The following CCDC136 variants were observed in gnomAD, a reference collection of about 807,000 sequenced individuals.
CCDC136 encodes the protein coiled-coil domain-containing protein 136.
CCDC136 carries 100 observed loss-of-function variants against 141.2 expected under a neutral mutation model. That is an observed-to-expected ratio of 0.71 (90% CI 0.60 to 0.84). CCDC136 has a LOEUF of 0.84. Ranked by LOEUF, CCDC136 falls within the 40% of genes least tolerant of loss-of-function variation. CCDC136 has a pLI of 0.00. For missense variants in CCDC136, 1,206 were observed against 1,379.4 expected (o/e 0.87, Z 1.99); for synonymous variants, 474 against 531.9 (o/e 0.89, Z 1.50).
Position 128,805,562 on chromosome 7 carries a change from T to G in CCDC136, c.948+38T>G, listed in dbSNP as rs377337671. On this transcript the variant is annotated intron_variant, in intron 6 of 17. Coordinates refer to ENST00000297788, the MANE Select transcript of CCDC136 (RefSeq NM_022742.5). This position sits in a 1 kb window ranked among gnomAD's most constrained non-coding sequence, Gnocchi z 4.6. ...GGGTGGGGAAGGCAGGCACATTTCT[T>G]GTCTTTCTTTCACCTTCTCCCAGCC... The G allele has an allele frequency of 1.4e-4, 217 of 1,571,342 alleles. No homozygotes were observed. The highest frequency in any genetic ancestry group is 1.8e-4 in the Non-Finnish European group (209 of 1,157,294).
In CCDC136 at chr7:128,815,759, C is replaced by T; in HGVS notation, c.3191C>T (p.Ala1064Val). The T allele has an allele frequency of 6.4e-7, 1 of 1,568,706 alleles. No homozygotes were observed. The highest frequency in any genetic ancestry group is 8.6e-7 in the Non-Finnish European group (1 of 1,157,340). The change falls in exon 16 of 18, where the codon GCT becomes GTT. Residue 1064 changes from alanine (A) to valine (V), a missense_variant. Transcript: ENST00000297788. ...AKEQCGDELV[A>V]EPADPEEAKS... ...GAGCAGTGTGGGGATGAGCTAGTTG[C>T]TGAGCCAGCAGATCCTGAGGAAGCT...
At position 128,794,218 on chromosome 7, in the gene CCDC136, G is replaced by A; in HGVS notation, c.17-130G>A. 2 of 1,298,022 alleles carry A rather than the reference G, an allele frequency of 1.5e-6. No homozygotes were observed. Among genetic ancestry groups the A allele is most frequent in the East Asian group, 2.5e-5 (1 of 39,716 alleles). The allele number at this position is 1,298,022 out of a possible 1,614,324, so 80.4% of individuals were successfully genotyped here. On this transcript the variant is annotated intron_variant, in intron 1 of 17. Coordinates refer to ENST00000297788, the MANE Select transcript of CCDC136 (RefSeq NM_022742.5). The surrounding 1 kb of genome is among the most constrained non-coding windows in gnomAD (Gnocchi z 4.3). ...ATCTTGAGTACAGGTCTTGCCCCGG[G>A]GCTCCTTGGGGGACACCAGGTGGCA...
chr7:128,799,051 C>T (rs2128900410), intron 3 of CCDC136, among the ~76,000 whole-genome samples: 1 of 151,290 alleles, frequency 6.6e-6, no homozygotes, highest in Non-Finnish European at 1.5e-5. Flanking sequence ...AATATCCAAA[C>T]AGGGCCAGGT....
chr7:128,791,466 G>A, upstream of CCDC136: 1 of 1,319,720 alleles, frequency 7.6e-7, no homozygotes, highest in Non-Finnish European at 9.6e-7. The surrounding 1 kb of genome is among the most constrained non-coding windows in gnomAD (Gnocchi z 7.1). Context: ...TCTGCTCAGG[G>A]AGGCGGAAGG....
At position 128,817,768 on chromosome 7, in the gene CCDC136, C is replaced by T. The variant is rs1806859757; in HGVS notation, c.3374C>T (p.Thr1125Ile). ...TTTGGTGTGTTGCAGTCATCCCCTACCCCCAATCCCCCCATCTTCTCCTTG... is the reference window on the plus strand; with the variant it reads ...TTTGGTGTGTTGCAGTCATCCCCTATCCCCAATCCCCCCATCTTCTCCTTG... ...RLSESKKSSP[T>I]PNPPIFSLPL... Residue 1125 changes from threonine to isoleucine, a missense_variant, in exon 17 of 18, where the codon ACC becomes ATC. Physicochemically the swap from Thr to Ile is moderately conservative, Grantham distance 89. Transcript: ENST00000297788. This position sits in a 1 kb window ranked among gnomAD's most constrained non-coding sequence, Gnocchi z 4.6. 1.2e-6 allele frequency: 2 copies of T among 1,613,298 alleles called. No individual in the cohort carries two copies. Among genetic ancestry groups the T allele is most frequent in the Non-Finnish European group, 1.7e-6 (2 of 1,179,334 alleles).
At chr7:128,792,479 C>G in intron 1 of CCDC136, 52 bp downstream of exon 1, 1 of 1,406,432 alleles carries the variant, frequency 7.1e-7, no homozygotes, top group South Asian at 1.3e-5. Context: ...TCCCTTAATT[C>G]CCTTCTTTCC....
intron 17 of CCDC136, among the ~76,000 whole-genome samples, chr7:128,819,223 G>T (rs2128927586): frequency 6.6e-6 from 1 of 152,364 alleles, no homozygotes; most frequent in South Asian, 2.1e-4. Context: ...GGGAGAGGAA[G>T]AACTGCTGGT....
chr7:128,801,397 A>G lies in CCDC136; in HGVS notation c.558A>G (p.Glu186=). The G allele has an allele frequency of 6.2e-7, 1 of 1,613,434 alleles. No homozygotes were observed. The change falls in exon 4 of 18, where the codon GAA becomes GAG. Residue 186 remains glutamate, a synonymous_variant. Transcript: ENST00000297788. ...TGCAGAATGAACTTGAAGACATGGA[A>G]CGCATTCGGGGAGATTATGAGATGG... ...CRMQNELEDM[E]RIRGDYEMEI...
In CCDC136 at chr7:128,817,943, TC is replaced by T; in HGVS notation, c.*5+82del. On this transcript the variant is annotated intron_variant, in intron 17 of 17. Coordinates refer to ENST00000297788, the MANE Select transcript of CCDC136 (RefSeq NM_022742.5). This position sits in a 1 kb window ranked among gnomAD's most constrained non-coding sequence, Gnocchi z 4.6. ...CCTGGCCTCTCCTCTTTCCCTTTTC[TC>T]CCAGCTGCTTGCTTCTTGCTTGTGC... 3 of 1,032,630 alleles carry T rather than the reference TC, an allele frequency of 2.9e-6. No individual in the cohort carries two copies. Among genetic ancestry groups the T allele is most frequent in the Non-Finnish European group, 1.5e-6 (1 of 671,726 alleles). The allele number at this position is 1,032,630 out of a possible 1,614,324, so 64.0% of individuals were successfully genotyped here. A position where few individuals can be genotyped will look rare whatever the true frequency, so the allele number is the denominator to read the frequency against.
intron 17 of CCDC136, among the ~76,000 whole-genome samples, chr7:128,820,198 C>T (rs1807247593): frequency 6.6e-6 from 1 of 152,158 alleles, no homozygotes; most frequent in African/African-American, 2.4e-5. Context: ...TCTAGAGTGT[C>T]GTCTCTTGGG....
chr7:128,809,774 A>G (rs1316575384), intron 11 of CCDC136, 130 bp downstream of exon 11: 2 of 684,310 alleles, frequency 2.9e-6, no homozygotes, highest in Non-Finnish European at 4.8e-6. Flanking sequence ...CTTTCTCACC[A>G]CTCTCCCCAA....
At position 128,794,439 on chromosome 7, in the gene CCDC136, A is replaced by G. The variant is rs922525223; in HGVS notation, c.108A>G (p.Lys36=). 6.4e-7 allele frequency: 1 copy of G among 1,552,836 alleles called. No individual in the cohort carries two copies. Among genetic ancestry groups the G allele is most frequent in the African/African-American group, 1.4e-5 (1 of 73,066 alleles). ...AAGAAGAAGAAGAACAAGTGCAGAA[A>G]GGTGGCAGTGTTGGCTCTCTGTCAG... ...EVEEEEEQVQ[K]GGSVGSLSVN... Residue 36 remains lysine (K), a synonymous_variant, in exon 2 of 18, where the codon AAA becomes AAG. Coordinates refer to ENST00000297788, the MANE Select transcript of CCDC136 (RefSeq NM_022742.5). The surrounding 1 kb of genome is among the most constrained non-coding windows in gnomAD (Gnocchi z 4.3).
In CCDC136 at chr7:128,794,838, G is replaced by C; in HGVS notation, c.346+70G>C. ...GTCACCTAAGTACTTTTTTCCTGAGGGTTTGACTGAAGCACAGCAGATAAA... is the reference window on the plus strand; with the variant it reads ...GTCACCTAAGTACTTTTTTCCTGAGCGTTTGACTGAAGCACAGCAGATAAA... On this transcript the variant is annotated intron_variant, in intron 3 of 17. Coordinates refer to ENST00000297788, the MANE Select transcript of CCDC136 (RefSeq NM_022742.5). This position sits in a 1 kb window ranked among gnomAD's most constrained non-coding sequence, Gnocchi z 4.3. The C allele has an allele frequency of 6.4e-6, 8 of 1,249,342 alleles. No homozygotes were observed. The highest frequency in any genetic ancestry group is 9.1e-6 in the Non-Finnish European group (8 of 876,452). 77.4% of individuals were successfully genotyped at this position (1,249,342 alleles called of 1,614,324 possible). A position where few individuals can be genotyped will look rare whatever the true frequency, so the allele number is the denominator to read the frequency against.
Position 128,806,293 on chromosome 7 carries a change from GGAT to G in CCDC136, c.1149_1151del (p.Asp383del), listed in dbSNP as rs1804825159. ...TGCAGAAAAAATATGATACTAGCCAGGATGAGCAGAACGAGCTCTTGAAGATGC... is the reference window on the plus strand; with the variant it reads ...TGCAGAAAAAATATGATACTAGCCAGGAGCAGAACGAGCTCTTGAAGATGC... On this transcript the variant is annotated inframe_deletion, in exon 8 of 18. Coordinates refer to ENST00000297788, the MANE Select transcript of CCDC136 (RefSeq NM_022742.5). 6.3e-7 allele frequency: 1 copy of G among 1,586,218 alleles called. No homozygotes were observed. Among genetic ancestry groups the G allele is most frequent in the Admixed American group, 1.8e-5 (1 of 55,494 alleles).
chr7:128,807,588 C>A, intron 10 of CCDC136, 43 bp downstream of exon 10: 1 of 1,294,854 alleles, frequency 7.7e-7, no homozygotes, highest in South Asian at 2.1e-5. Context: ...GGCACTTGCT[C>A]CAGAGAGAAG....
At position 128,810,169 on chromosome 7, in the gene CCDC136, CT is replaced by C. The variant is rs1466457974; in HGVS notation, c.1832del (p.Leu611ArgfsTer18). The C allele has an allele frequency of 6.2e-7, 1 of 1,601,016 alleles. No individual in the cohort carries two copies. The highest frequency in any genetic ancestry group is 8.5e-7 in the Non-Finnish European group (1 of 1,173,616). ...SQELLTKLED[L>X]CELQLLYQGM... Reference sequence around the variant, plus strand: ...GGAGCTACTCACCAAGTTAGAAGACCTGTGTGAGCTGCAGCTGCTCTACCAA... The same window carrying C: ...GGAGCTACTCACCAAGTTAGAAGACCGTGTGAGCTGCAGCTGCTCTACCAA... On this transcript the variant is annotated frameshift_variant, in exon 12 of 18. Transcript: ENST00000297788. LOFTEE classifies it high-confidence loss of function.
rs763604343 is a variant in CCDC136 at position 128,810,136 on chromosome 7, C to CA, written c.1801-2dup. The CA allele has an allele frequency of 2.0e-5, 31 of 1,570,000 alleles. No individual in the cohort carries two copies. The highest frequency in any genetic ancestry group is 2.7e-5 in the Non-Finnish European group (31 of 1,155,866). On this transcript the variant is annotated splice_region_variant and splice_polypyrimidine_tract_variant and intron_variant, in intron 11 of 17. Coordinates refer to ENST00000297788, the MANE Select transcript of CCDC136 (RefSeq NM_022742.5). Reference sequence around the variant, plus strand: ...TTGCCTCCTTCCTTCTACTCCGCCTCAGAGTCAGGAGCTACTCACCAAGTT... The same window carrying CA: ...TTGCCTCCTTCCTTCTACTCCGCCTCAAGAGTCAGGAGCTACTCACCAAGTT...
chr7:128,800,605 T>A (rs1452204616), intron 3 of CCDC136, among the ~76,000 whole-genome samples: 3 of 152,218 alleles, frequency 2.0e-5, no homozygotes, highest in Admixed American at 2.0e-4. Context: ...TATCATCAAT[T>A]TAAACAATCC....
At position 128,805,919 on chromosome 7, in the gene CCDC136, AG is replaced by A; in HGVS notation, c.1089+20del. 1 of 1,613,234 alleles carries A rather than the reference AG, an allele frequency of 6.2e-7. No individual in the cohort carries two copies. Among genetic ancestry groups the A allele is most frequent in the African/African-American group, 1.3e-5 (1 of 74,952 alleles). The stretch of plus-strand genomic sequence containing the variant: ...TCACCCAGGTAAACACTGCCCGGGG[AG>A]GCATCTGGGGTGGGGGCAGAAGGGC... On this transcript the variant is annotated intron_variant, in intron 7 of 17. Transcript: ENST00000297788. This position sits in a 1 kb window ranked among gnomAD's most constrained non-coding sequence, Gnocchi z 4.6.
Sources: allele counts gnomAD v4.1 joint callset (sites outside exome capture counted in the v4.1 genomes callset), GRCh38; gene constraint gnomAD v4.1.1; non-coding constraint Gnocchi (gnomAD v3.1); transcripts MANE v1.5; gene names NCBI Gene and HGNC (gene_info 2026-07-23, HGNC 2026-07-21).